LRRC36: variants seen among roughly 807,000 people sequenced by gnomAD.
LRRC36 encodes the protein leucine rich repeat containing 36.
A neutral mutation model predicts 81.1 loss-of-function variants in LRRC36; 62 were observed. That is an observed-to-expected ratio of 0.76 (90% CI 0.62 to 0.94). LRRC36 has a LOEUF of 0.94. LRRC36 is among the 40% of genes least tolerant of loss of function. The probability of loss-of-function intolerance (pLI) is 0.00; values close to 1 mark genes in which losing one functional copy is unlikely to be tolerated. For synonymous variants in LRRC36, 334 were observed against 348.6 expected (o/e 0.96, Z 0.47); for missense variants, 761 against 881.7 (o/e 0.86, Z 1.73).
At chr16:67,333,227 G>A (rs2037584279) in intron 1 of LRRC36, among the ~76,000 whole-genome samples, 1 of 152,136 alleles carries the variant, frequency 6.6e-6, no homozygotes, top group Non-Finnish European at 1.5e-5. Context: ...TCTATCCCAG[G>A]TTCAAGTGAT....
chr16:67,335,036 CG>C (rs1453701627), intron 1 of LRRC36, among the ~76,000 whole-genome samples: 2 of 152,050 alleles, frequency 1.3e-5, no homozygotes, highest in African/African-American at 2.4e-5. Flanking sequence ...ACCACAGGAC[CG>C]GGGTGAAATT....
chr16:67,382,107 A>AC (rs763988499), intron 12 of LRRC36, 26 bp from the exon 13 acceptor site: 18 of 1,433,954 alleles, frequency 1.3e-5, no homozygotes, highest in Admixed American at 3.4e-5. Context: ...AATCCTTTTC[A>AC]CCCCTGGCTA....
At chr16:67,364,287 A>G (rs2039288041) in intron 6 of LRRC36, among the ~76,000 whole-genome samples, 1 of 152,228 alleles carries the variant, frequency 6.6e-6, no homozygotes, top group South Asian at 2.1e-4. Flanking sequence ...GGATGCAACC[A>G]TTATGTAAGA....
At chr16:67,375,519 C>A in intron 10 of LRRC36, 107 bp downstream of exon 10, 1 of 867,738 alleles carries the variant, frequency 1.2e-6, no homozygotes, top group South Asian at 2.3e-5. Context: ...AAGTTGTTCT[C>A]ATGATCACAT....
intron 9 of LRRC36, among the ~76,000 whole-genome samples, chr16:67,373,918 C>T (rs2039772543): frequency 6.6e-6 from 1 of 151,770 alleles, no homozygotes; most frequent in Admixed American, 6.6e-5. Context: ...TTGACTGAGT[C>T]ATGAGAATTG....
intron 9 of LRRC36, among the ~76,000 whole-genome samples, chr16:67,372,776 G>GT (rs925546377): frequency 1.1e-4 from 16 of 152,238 alleles, no homozygotes; most frequent in Admixed American, 3.9e-4. Context: ...TGTTTGGAGT[G>GT]TTTTTTTGTT....
intron 1 of LRRC36, among the ~76,000 whole-genome samples, chr16:67,328,991 T>C (rs1399121533): frequency 6.6e-6 from 1 of 151,672 alleles, no homozygotes; most frequent in Non-Finnish European, 1.5e-5. Flanking sequence ...CTCACTGTAA[T>C]CTCCACCTCC....
At chr16:67,372,726 T>C (rs2039702748) in intron 9 of LRRC36, among the ~76,000 whole-genome samples, 1 of 152,222 alleles carries the variant, frequency 6.6e-6, no homozygotes, top group Admixed American at 6.5e-5. Flanking sequence ...TTGTTGGAAA[T>C]CTTACACATT....
chr16:67,335,350 G>T (rs2037707241), intron 1 of LRRC36, among the ~76,000 whole-genome samples: 1 of 152,200 alleles, frequency 6.6e-6, no homozygotes, highest in Admixed American at 6.5e-5. Context: ...GCTTTTGAAA[G>T]AAGAGAAATA....
intron 5 of LRRC36, among the ~76,000 whole-genome samples, chr16:67,360,681 C>A (rs542459534): frequency 6.6e-6 from 1 of 152,264 alleles, no homozygotes; most frequent in Admixed American, 6.5e-5. Flanking sequence ...ACGTTTCAGT[C>A]CCAGAAGGCA....
chr16:67,367,009 G>A lies in LRRC36; in HGVS notation c.755-8G>A. 1 of 1,578,378 alleles carries A rather than the reference G, an allele frequency of 6.3e-7. No homozygotes were observed. The highest frequency in any genetic ancestry group is 2.2e-5 in the East Asian group (1 of 44,546). ...CATGTTTTGTTTTTTTGCCTTGGTG[G>A]TGTTTAGAGTTCAGACACTACTCGC... is the stretch of plus-strand genomic sequence containing the variant. On this transcript the variant is annotated splice_polypyrimidine_tract_variant and splice_region_variant and intron_variant, in intron 7 of 13. Transcript: ENST00000329956.
rs774495780 is a variant in LRRC36, at chr16:67,371,005, A to G, written c.1257A>G (p.Gln419=). Residue 419 remains glutamine (Q), a synonymous_variant, in exon 9 of 14, where the codon CAA becomes CAG. Transcript: ENST00000329956. ...DPAVLVNVEQ[Q]LSTSLDDLTP... Reference sequence around the variant, plus strand: ...CTGTACTTGTCAATGTAGAGCAACAATTATCTACCAGCCTGGATGATTTAA... The same window carrying G: ...CTGTACTTGTCAATGTAGAGCAACAGTTATCTACCAGCCTGGATGATTTAA... The G allele has an allele frequency of 6.2e-7, 1 of 1,614,098 alleles. No individual in the cohort carries two copies. Among genetic ancestry groups the G allele is most frequent in the Non-Finnish European group, 8.5e-7 (1 of 1,180,008 alleles).
intron 8 of LRRC36, among the ~76,000 whole-genome samples, chr16:67,368,621 G>T (rs1190560609): frequency 1.3e-5 from 2 of 152,234 alleles, no homozygotes; most frequent in African/African-American, 4.8e-5. Flanking sequence ...TTCTGGGTGA[G>T]ATCAGAAGGA....
rs1156742689 is a variant in LRRC36 at position 67,355,363 on chromosome 16, C to CTTT, written c.577+5100_577+5102dup. On this transcript the variant is annotated intron_variant, in intron 5 of 13. Coordinates refer to ENST00000329956, the MANE Select transcript of LRRC36 (RefSeq NM_018296.6). Reference sequence around the variant, plus strand: ...TTCCAATATAATCTTTTTAAGATGTCTTTTTTTTTTTTTTTTTTTTTTTTT... The same window carrying CTTT: ...TTCCAATATAATCTTTTTAAGATGTCTTTTTTTTTTTTTTTTTTTTTTTTTTTT... 5.1e-4 allele frequency among the ~76,000 whole-genome samples: 40 copies of CTTT among 77,716 alleles called. 1 individual carries two copies. The highest frequency in any genetic ancestry group is 2.0e-3 in the East Asian group (4 of 2,006). 51.0% of individuals were successfully genotyped at this position (77,716 alleles called of 152,430 possible).
chr16:67,375,361 G>C lies in LRRC36; in HGVS notation c.1609G>C (p.Asp537His). 1 of 1,610,050 alleles carries C rather than the reference G, an allele frequency of 6.2e-7. No homozygotes were observed. ...TVLRQLLELV[D>H]KHWNGSGSLL... is the part of the protein sequence containing the mutation. ...CCTCAGACAGCTCCTGGAGCTTGTG[G>C]ATAAGCACTGGAATGGCTCCGGCTC... Residue 537 changes from aspartate (D) to histidine (H), a missense_variant, in exon 10 of 14, where the codon GAT (aspartate) becomes CAT (histidine). Physicochemically the swap from Asp to His is moderately conservative, Grantham distance 81. Coordinates refer to ENST00000329956, the MANE Select transcript of LRRC36 (RefSeq NM_018296.6).
intron 5 of LRRC36, among the ~76,000 whole-genome samples, chr16:67,351,840 T>C (rs1024881824): frequency 3.0e-4 from 45 of 152,222 alleles, no homozygotes; most frequent in Admixed American, 2.7e-3. Flanking sequence ...TATTTTTAAA[T>C]TGATACAATT....
At chr16:67,328,103 A>T (rs1385182428) in intron 1 of LRRC36, among the ~76,000 whole-genome samples, 1 of 152,142 alleles carries the variant, frequency 6.6e-6, no homozygotes, top group African/African-American at 2.4e-5. Context: ...GGAAGGATAT[A>T]CTAGAGCATG....
Position 67,370,841 on chromosome 16 carries a change from G to T in LRRC36, c.1196-103G>T, listed in dbSNP as rs548075156. Reference sequence around the variant, plus strand: ...TCAGAGAGTTGAGGATGTATGCTAGGGAGTGGTTATTATGACCCTTGGACT... The same window carrying T: ...TCAGAGAGTTGAGGATGTATGCTAGTGAGTGGTTATTATGACCCTTGGACT... On this transcript the variant is annotated intron_variant, in intron 8 of 13. Coordinates refer to ENST00000329956, the MANE Select transcript of LRRC36 (RefSeq NM_018296.6). 7 of 861,096 alleles carry T rather than the reference G, an allele frequency of 8.1e-6. No homozygotes were observed. The Admixed American group carries it at 1.3e-4, about 16-fold the overall frequency. The allele number at this position is 861,096 out of a possible 1,614,324, so 53.3% of individuals were successfully genotyped here. A position where few individuals can be genotyped will look rare whatever the true frequency, so the allele number is the denominator to read the frequency against.
intron 1 of LRRC36, among the ~76,000 whole-genome samples, chr16:67,334,572 GCCCCAA>G (rs2037666294): frequency 6.6e-6 from 1 of 151,934 alleles, no homozygotes; most frequent in African/African-American, 2.4e-5. Context: ...TGATCTGCCT[GCCCCAA>G]CCTCCCAAAG....
Sources: gnomAD v4.1 joint callset for allele counts (sites outside exome capture counted in the v4.1 genomes callset) on GRCh38, gnomAD v4.1.1 for gene constraint, MANE v1.5 for transcripts, NCBI Gene and HGNC (gene_info 2026-07-23, HGNC 2026-07-21) for gene names.